EPB41: variants seen among roughly 807,000 people sequenced by gnomAD.
EPB41 encodes erythrocyte membrane protein band 4.1.
EPB41 carries 65 observed loss-of-function variants against 108.0 expected under a neutral mutation model. The ratio of observed to expected loss-of-function variants is 0.60; its 90% CI spans 0.49 to 0.74. The LOEUF (loss-of-function observed/expected upper bound fraction) is 0.74. EPB41 is among the 30% of genes least tolerant of loss of function. The probability of loss-of-function intolerance (pLI) is 0.00; values close to 1 mark genes in which losing one functional copy is unlikely to be tolerated. For synonymous variants in EPB41, 336 were observed against 358.9 expected (o/e 0.94, Z 0.72); for missense variants, 875 against 1,037.0 (o/e 0.84, Z 2.15).
intron 1 of EPB41, among the ~76,000 whole-genome samples, chr1:28,904,625 C>A (rs949005770): frequency 1.3e-5 from 2 of 151,968 alleles, no homozygotes; most frequent in African/African-American, 2.4e-5. Flanking sequence ...AGGCCAGGCG[C>A]GGTGGCTCAT....
chr1:28,930,765 G>A (rs1312456297), intron 1 of EPB41, among the ~76,000 whole-genome samples: 2 of 152,156 alleles, frequency 1.3e-5, no homozygotes, highest in East Asian at 1.9e-4. Context: ...GATTACAGGC[G>A]TGAGCCACCG....
At chr1:29,013,612 C>T (rs778937401) in intron 5 of EPB41, among the ~76,000 whole-genome samples, 1 of 151,998 alleles carries the variant, frequency 6.6e-6, no homozygotes, top group Non-Finnish European at 1.5e-5. Flanking sequence ...CTGCAACCTC[C>T]ACCTCCTAGG....
intron 1 of EPB41, among the ~76,000 whole-genome samples, chr1:28,982,051 C>T (rs547450598): frequency 6.6e-6 from 1 of 152,082 alleles, no homozygotes; most frequent in East Asian, 1.9e-4. Flanking sequence ...CCCCCTTCCC[C>T]ACCCCACGAC....
chr1:28,989,362 C>G, intron 2 of EPB41: 1 of 969,968 alleles, frequency 1.0e-6, no homozygotes, highest in African/African-American at 1.8e-5. Flanking sequence ...TCAGCCTCAC[C>G]ATTACAATTA....
intron 11 of EPB41, among the ~76,000 whole-genome samples, chr1:29,044,030 A>C (rs569826169): frequency 6.6e-6 from 1 of 152,330 alleles, no homozygotes; most frequent in African/African-American, 2.4e-5. Flanking sequence ...GGAAAATAAA[A>C]ACTCCTACTG....
chr1:28,952,972 G>T (rs185775856), intron 1 of EPB41, among the ~76,000 whole-genome samples: 2 of 152,166 alleles, frequency 1.3e-5, no homozygotes, highest in African/African-American at 2.4e-5. Flanking sequence ...CAAGTGATGC[G>T]CCTGCCTCGG....
In EPB41 at chr1:28,987,528, C is replaced by G. The variant is rs780189990; in HGVS notation, c.91C>G (p.Gln31Glu). The G allele has an allele frequency of 3.1e-6, 5 of 1,614,048 alleles. No individual in the cohort carries two copies. Among genetic ancestry groups the G allele is most frequent in the South Asian group, 1.1e-5 (1 of 91,076 alleles). ...EGEEAINSGQ[Q>E]EPQQEESCQT... is the part of the protein sequence containing the mutation. The stretch of plus-strand genomic sequence containing the variant: ...TGAGGAAGCCATAAACTCAGGCCAA[C>G]AAGAACCTCAGCAGGAGGAATCTTG... The change falls in exon 2 of 21, where the codon CAA becomes GAA. Residue 31 changes from glutamine (Q) to glutamate (E), a missense_variant. Around this residue, in one of 3 missense-constraint regions of EPB41, gnomAD observed 353 missense variants for 393.2 expected, o/e 0.90. Transcript: ENST00000343067.
chr1:29,095,034 C>A (rs2151459087), intron 16 of EPB41, among the ~76,000 whole-genome samples: 1 of 152,282 alleles, frequency 6.6e-6, no homozygotes, highest in African/African-American at 2.4e-5. Context: ...GGAACAATGA[C>A]AAGAAAAAAG....
chr1:28,967,379 A>T (rs2149245304), intron 1 of EPB41, among the ~76,000 whole-genome samples: 1 of 152,326 alleles, frequency 6.6e-6, no homozygotes, highest in South Asian at 2.1e-4. Flanking sequence ...TTTAAAAGAA[A>T]GTTACTGATA....
intron 1 of EPB41, among the ~76,000 whole-genome samples, chr1:28,915,872 T>C (rs2092617175): frequency 6.6e-6 from 1 of 152,080 alleles, no homozygotes; most frequent in African/African-American, 2.4e-5. Flanking sequence ...CTCTTGAGGA[T>C]GTACTGTAGT....
chr1:29,051,088 GTTTTTTTTTTTTTT>G (rs71586885), intron 11 of EPB41, among the ~76,000 whole-genome samples: 132 of 51,600 alleles, frequency 2.6e-3, no homozygotes, highest in South Asian at 6.1e-3. Flanking sequence ...TTCTTTTTCT[GTTTTTTTTTTTTTT>G]TTTTTTTTTT....
At chr1:29,103,741 C>T (rs1251429604) in intron 17 of EPB41, among the ~76,000 whole-genome samples, 1 of 152,118 alleles carries the variant, frequency 6.6e-6, no homozygotes, top group Non-Finnish European at 1.5e-5. Context: ...GATCTCGGCT[C>T]ACTGTAACCT....
chr1:29,088,140 G>T (rs1659910629), intron 16 of EPB41, among the ~76,000 whole-genome samples: 1 of 149,542 alleles, frequency 6.7e-6, no homozygotes, highest in Non-Finnish European at 1.5e-5. Context: ...TCCACCTCCT[G>T]GGTTCAAGCG....
In EPB41 at chr1:29,018,458, G is replaced by A; in HGVS notation, c.1124+16G>A. On this transcript the variant is annotated intron_variant, in intron 7 of 20. Transcript: ENST00000343067. This position sits in a 1 kb window ranked among gnomAD's most constrained non-coding sequence, Gnocchi z 4.4. ...AGTCATACAGGTGAATATGTCTCCA[G>A]GGTTTGTTCGGTGTTTGTTTTGGCG... is the stretch of plus-strand genomic sequence containing the variant. 1 of 1,607,936 alleles carries A rather than the reference G, an allele frequency of 6.2e-7. No individual in the cohort carries two copies. Among genetic ancestry groups the A allele is most frequent in the African/African-American group, 1.4e-5 (1 of 72,914 alleles).
intron 1 of EPB41, among the ~76,000 whole-genome samples, chr1:28,950,242 A>G (rs1303472280): frequency 6.6e-6 from 1 of 152,236 alleles, no homozygotes. Flanking sequence ...TTTAATAATC[A>G]GAACAACCTG....
chr1:28,997,430 T>C, intron 4 of EPB41, 111 bp downstream of exon 4: 1 of 718,036 alleles, frequency 1.4e-6, no homozygotes, highest in Non-Finnish European at 2.5e-6. Flanking sequence ...TTAGAGTTAT[T>C]CCTGTCTACT....
chr1:29,030,737 C>T (rs1321361135), intron 8 of EPB41, among the ~76,000 whole-genome samples: 1 of 151,678 alleles, frequency 6.6e-6, no homozygotes, highest in Non-Finnish European at 1.5e-5. Flanking sequence ...GATTGTGCCA[C>T]TGCACTCCAG....
chr1:29,085,388 G>T (rs55752163), intron 16 of EPB41, among the ~76,000 whole-genome samples: 1 of 151,652 alleles, frequency 6.6e-6, no homozygotes, highest in African/African-American at 2.4e-5. Flanking sequence ...CAAATGATCC[G>T]CCTGCCTCAG....
chr1:28,982,019 A>G (rs1014283987), intron 1 of EPB41, among the ~76,000 whole-genome samples: 26 of 151,932 alleles, frequency 1.7e-4, no homozygotes, highest in East Asian at 1.6e-3. Flanking sequence ...AGCATTAGGT[A>G]TATCTCCTAA....
Sources: gnomAD v4.1 joint callset for allele counts (sites outside exome capture counted in the v4.1 genomes callset) on GRCh38, gnomAD v4.1.1 for gene constraint, gnomAD v4.1.1 regional missense constraint, Gnocchi (gnomAD v3.1) non-coding constraint, MANE v1.5 for transcripts, NCBI Gene and HGNC (gene_info 2026-07-23, HGNC 2026-07-21) for gene names.